The following ALK variants were observed in gnomAD, a reference collection of about 807,000 sequenced individuals.
The protein encoded by ALK is ALK receptor tyrosine kinase, also known as ALK tyrosine kinase receptor.
ALK carries 74 observed loss-of-function variants against 163.1 expected under a neutral mutation model. The observed-to-expected ratio is 0.45, with a 90% CI of 0.38 to 0.55. The LOEUF (loss-of-function observed/expected upper bound fraction) is 0.55. ALK is among the 20% of genes least tolerant of loss of function. The probability of loss-of-function intolerance (pLI) is 0.00; values close to 1 mark genes in which losing one functional copy is unlikely to be tolerated. For missense variants in ALK, 2,063 were observed against 2,105.3 expected, an observed-to-expected ratio of 0.98 and a Z score of 0.39; for synonymous variants, 960 against 843.2, an observed-to-expected ratio of 1.14 and a Z score of -2.40.
chr2:29,616,222 G>C (rs1380782109), intron 3 of ALK, among the ~76,000 whole-genome samples: 1 of 152,204 alleles, frequency 6.6e-6, no homozygotes, highest in Non-Finnish European at 1.5e-5. Context: ...TCGGGAAAGA[G>C]GTGGCCTGTG....
chr2:29,569,504 T>A (rs754391665), intron 3 of ALK, among the ~76,000 whole-genome samples: 1 of 152,158 alleles, frequency 6.6e-6, no homozygotes, highest in South Asian at 2.1e-4. Flanking sequence ...GGAAAGTACC[T>A]AACACAGAAT....
intron 1 of ALK, among the ~76,000 whole-genome samples, chr2:29,891,895 G>C (rs1179643096): frequency 1.3e-5 from 2 of 152,190 alleles, no homozygotes; most frequent in Non-Finnish European, 2.9e-5. Flanking sequence ...TCAAGAGAAA[G>C]ATTCAGCAAA....
intron 5 of ALK, among the ~76,000 whole-genome samples, chr2:29,367,704 G>A (rs943305254): frequency 4.6e-5 from 7 of 152,156 alleles, no homozygotes; most frequent in Non-Finnish European, 1.0e-4. Context: ...GTTTCTAGAT[G>A]TTGTGTATTG....
chr2:29,231,434 C>T (rs1368576190), intron 15 of ALK, among the ~76,000 whole-genome samples: 1 of 152,214 alleles, frequency 6.6e-6, no homozygotes, highest in Non-Finnish European at 1.5e-5. Context: ...CCCATTGGCT[C>T]TCCTGTAAAA....
chr2:29,516,030 G>A (rs987472514), intron 4 of ALK, among the ~76,000 whole-genome samples: 1 of 152,198 alleles, frequency 6.6e-6, no homozygotes, highest in African/African-American at 2.4e-5. Flanking sequence ...CAGTGACCTG[G>A]GTGAGGGCTC....
intron 4 of ALK, among the ~76,000 whole-genome samples, chr2:29,454,260 T>C (rs1418880114): frequency 6.6e-6 from 1 of 152,204 alleles, no homozygotes; most frequent in Non-Finnish European, 1.5e-5. Context: ...AGGACCCCCC[T>C]GTGGATACCA....
intron 13 of ALK, 151 bp downstream of exon 13, chr2:29,239,529 G>A: frequency 1.0e-6 from 1 of 975,550 alleles, no homozygotes; most frequent in Non-Finnish European, 1.6e-6. Context: ...GGGGTGCTGG[G>A]AGTTTGCAAA....
intron 8 of ALK, among the ~76,000 whole-genome samples, chr2:29,310,095 T>C (rs1666656817): frequency 6.6e-6 from 1 of 152,194 alleles, no homozygotes; most frequent in Middle Eastern, 3.2e-3. Flanking sequence ...TTAAAGGAAG[T>C]CACTTGCTTG....
At chr2:29,423,175 A>G (rs1236063930) in intron 4 of ALK, among the ~76,000 whole-genome samples, 2 of 152,228 alleles carry the variant, frequency 1.3e-5, no homozygotes, top group Non-Finnish European at 1.5e-5. Context: ...AAGTTCTTTC[A>G]TATCTTCCAT....
intron 3 of ALK, among the ~76,000 whole-genome samples, chr2:29,690,274 A>G (rs1678356665): frequency 6.6e-6 from 1 of 152,198 alleles, no homozygotes; most frequent in South Asian, 2.1e-4. Flanking sequence ...TGCTGCATCC[A>G]GACCCTCCAC....
intron 2 of ALK, among the ~76,000 whole-genome samples, chr2:29,709,309 G>T (rs1336430319): frequency 4.6e-5 from 7 of 152,172 alleles, no homozygotes; most frequent in Admixed American, 4.6e-4. Context: ...AATATGACTA[G>T]AAATGAGAGG....
chr2:29,693,453 A>C (rs952026334), intron 3 of ALK, among the ~76,000 whole-genome samples: 1 of 151,648 alleles, frequency 6.6e-6, no homozygotes, highest in Admixed American at 6.6e-5. Context: ...ACACACACAC[A>C]CCCTACAATA....
At chr2:29,769,861 A>G (rs1680969003) in intron 1 of ALK, among the ~76,000 whole-genome samples, 1 of 152,246 alleles carries the variant, frequency 6.6e-6, no homozygotes, top group South Asian at 2.1e-4. Context: ...CTGATAGCCA[A>G]TTGATTGAAC....
chr2:29,758,655 C>T (rs1479264114), intron 1 of ALK, among the ~76,000 whole-genome samples: 1 of 152,180 alleles, frequency 6.6e-6, no homozygotes, highest in African/African-American at 2.4e-5. Context: ...CCAGGCACTG[C>T]TCAGGCCTTA....
intron 1 of ALK, among the ~76,000 whole-genome samples, chr2:29,741,285 T>G (rs1208155143): frequency 6.6e-6 from 1 of 152,078 alleles, no homozygotes; most frequent in Non-Finnish European, 1.5e-5. Context: ...GTGCCCAACA[T>G]CAAAAGTGAA....
At chr2:29,830,111 T>C (rs187712504) in intron 1 of ALK, among the ~76,000 whole-genome samples, 141 of 152,336 alleles carry the variant, frequency 9.3e-4, no homozygotes, top group Admixed American at 2.0e-3. Context: ...AGTGTTTGTG[T>C]AGTGGATGTT....
intron 5 of ALK, among the ~76,000 whole-genome samples, chr2:29,379,679 C>A (rs1668847270): frequency 6.6e-6 from 1 of 152,042 alleles, no homozygotes; most frequent in South Asian, 2.1e-4. Flanking sequence ...TAAGAAATGA[C>A]CTATGTCACA....
chr2:29,509,178 G>A (rs1039025888), intron 4 of ALK, among the ~76,000 whole-genome samples: 2 of 152,150 alleles, frequency 1.3e-5, no homozygotes, highest in Non-Finnish European at 2.9e-5. Flanking sequence ...TAAGCAACTT[G>A]TAGTAAATTT....
At chr2:29,623,883 T>C (rs1280670613) in intron 3 of ALK, among the ~76,000 whole-genome samples, 1 of 152,242 alleles carries the variant, frequency 6.6e-6, no homozygotes, top group Non-Finnish European at 1.5e-5. Context: ...TCTTCAAACG[T>C]CTATTTGTAA....
Sources: gnomAD v4.1 joint callset for allele counts (sites outside exome capture counted in the v4.1 genomes callset) on GRCh38, gnomAD v4.1.1 for gene constraint, MANE v1.5 for transcripts, NCBI Gene and HGNC (gene_info 2026-07-23, HGNC 2026-07-21) for gene names.